The following PUS7 variants were observed in gnomAD, a reference collection of about 807,000 sequenced individuals.
PUS7 encodes pseudouridylate synthase 7 homolog.
Under a neutral mutation model 79.8 loss-of-function variants are expected in PUS7, and 48 were observed. The observed-to-expected ratio is 0.60, with a 90% CI of 0.48 to 0.76. PUS7 has a LOEUF of 0.76. Among genes scored for constraint, PUS7 ranks in the 30% least tolerant of loss-of-function variants. The pLI is 0.00. For synonymous variants in PUS7, 286 were observed against 272.2 expected (o/e 1.05, Z -0.50); for missense variants, 729 against 797.6 (o/e 0.91, Z 1.04).
At chr7:105,485,292 C>G (rs1420120534) in intron 7 of PUS7, among the ~76,000 whole-genome samples, 1 of 152,238 alleles carries the variant, frequency 6.6e-6, no homozygotes, top group Non-Finnish European at 1.5e-5. Flanking sequence ...TCACTGCAAC[C>G]TCCGCTTCCC....
At chr7:105,502,034 G>A (rs949714684) in intron 5 of PUS7, among the ~76,000 whole-genome samples, 20 of 150,598 alleles carry the variant, frequency 1.3e-4, no homozygotes, top group South Asian at 8.4e-4. Flanking sequence ...GGTGACAAGC[G>A]TTTTTTGTTC....
At chr7:105,506,360 C>T (rs1825459006) in intron 2 of PUS7, 87 bp from the exon 3 acceptor site, 4 of 905,524 alleles carry the variant, frequency 4.4e-6, no homozygotes, top group Non-Finnish European at 6.8e-6. Context: ...GCAAGCCTTA[C>T]TATTATGCAA....
At chr7:105,499,109 A>G (rs1008968431) in intron 5 of PUS7, among the ~76,000 whole-genome samples, 14 of 152,200 alleles carry the variant, frequency 9.2e-5, no homozygotes, top group African/African-American at 3.4e-4. Flanking sequence ...CAACCTCATC[A>G]TTCCACTAGA....
intron 1 of PUS7, among the ~76,000 whole-genome samples, chr7:105,510,375 T>C (rs1170614085): frequency 6.6e-6 from 1 of 152,084 alleles, no homozygotes; most frequent in Admixed American, 6.5e-5. Flanking sequence ...ACCTATGTCA[T>C]ACCACATTAA....
At chr7:105,483,669 T>C (rs193182713) in intron 7 of PUS7, among the ~76,000 whole-genome samples, 1 of 151,964 alleles carries the variant, frequency 6.6e-6, no homozygotes, top group Non-Finnish European at 1.5e-5. Context: ...TGTTTTTTTG[T>C]ATTTTCAGTA....
chr7:105,459,472 C>G (rs1823325388), intron 14 of PUS7, among the ~76,000 whole-genome samples: 1 of 149,562 alleles, frequency 6.7e-6, no homozygotes, highest in Admixed American at 6.7e-5. Context: ...AGTCTCAACT[C>G]TGTCACCTAG....
rs1824355331 is a variant in PUS7 at position 105,482,344 on chromosome 7, C to T, written c.1017G>A (p.Glu339=). ...SYQKNPLKLG[E]LQGNHFTVVL... Reference sequence around the variant, plus strand: ...CAACAGTGAAGTGGTTTCCTTGAAGCTCTCCCAATTTCAGTGGGTTTTTTT... The same window carrying T: ...CAACAGTGAAGTGGTTTCCTTGAAGTTCTCCCAATTTCAGTGGGTTTTTTT... Residue 339 remains glutamate (E), a synonymous_variant, in exon 8 of 16, where the codon GAG becomes GAA. Transcript: ENST00000469408. The T allele has an allele frequency of 6.2e-7, 1 of 1,613,332 alleles. No homozygotes were observed. The highest frequency in any genetic ancestry group is 8.5e-7 in the Non-Finnish European group (1 of 1,179,656).
chr7:105,463,909 A>G (rs1208894228), intron 13 of PUS7, among the ~76,000 whole-genome samples: 10 of 152,234 alleles, frequency 6.6e-5, no homozygotes, highest in Non-Finnish European at 1.2e-4. Flanking sequence ...CAATTTGCAA[A>G]TATAACAAGC....
intron 5 of PUS7, among the ~76,000 whole-genome samples, chr7:105,495,782 AAAG>A (rs1562808528): frequency 6.6e-6 from 1 of 152,180 alleles, no homozygotes. Flanking sequence ...TAATTAAAAA[AAAG>A]AACATAAAAA....
In PUS7 at chr7:105,508,513, CT is replaced by C; in HGVS notation, c.-2del. ...CACCAGTCATTTCTGTCATCTCCAT[CT>C]TTAAGGCTCCAAGAAAACATTTAAG... On this transcript the variant is annotated 5_prime_UTR_variant, in exon 2 of 16. Coordinates refer to ENST00000469408, the MANE Select transcript of PUS7 (RefSeq NM_019042.5). 1 of 1,607,164 alleles carries C rather than the reference CT, an allele frequency of 6.2e-7. No individual in the cohort carries two copies. Among genetic ancestry groups the C allele is most frequent in the Non-Finnish European group, 8.5e-7 (1 of 1,176,814 alleles).
At position 105,472,162 on chromosome 7, in the gene PUS7, T is replaced by A; in HGVS notation, c.1207A>T (p.Met403Leu). 9 of 1,601,188 alleles carry A rather than the reference T, an allele frequency of 5.6e-6. No homozygotes were observed. The highest frequency in any genetic ancestry group is 6.0e-6 in the Non-Finnish European group (7 of 1,169,762). Reference sequence around the variant, plus strand: ...GAGCGGGGTTTCAATATTAAATCCATGACTTCTGTCCAGGAATTTTGTAGT... The same window carrying A: ...GAGCGGGGTTTCAATATTAAATCCAAGACTTCTGTCCAGGAATTTTGTAGT... ...AILQNSWTEVMDLILKPRSGA... is the reference protein window; with the variant it reads ...AILQNSWTEVLDLILKPRSGA... The change falls in exon 10 of 16, where the codon ATG becomes TTG. Residue 403 changes from methionine to leucine, a missense_variant. Physicochemically the swap from Met to Leu is conservative, Grantham distance 15. Transcript: ENST00000469408.
intron 9 of PUS7, among the ~76,000 whole-genome samples, chr7:105,479,983 A>G (rs818467): frequency 0.4 from 60,731 of 151,714 alleles, 13,993 homozygotes; most frequent in African/African-American, 0.65. Context: ...GGGCAACAGC[A>G]AGACTTCATC....
At chr7:105,465,695 T>C (rs1479825957) in intron 12 of PUS7, among the ~76,000 whole-genome samples, 2 of 152,036 alleles carry the variant, frequency 1.3e-5, no homozygotes, top group Non-Finnish European at 2.9e-5. Context: ...TAGCCAGGCA[T>C]GGTGGCGCAT....
chr7:105,515,015 C>T (rs1006000152), intron 1 of PUS7, among the ~76,000 whole-genome samples: 5 of 152,122 alleles, frequency 3.3e-5, no homozygotes, highest in Admixed American at 1.3e-4. Flanking sequence ...AGGATGGTCT[C>T]GATCTCCTGA....
At chr7:105,520,972 C>T (rs1826085454) in intron 1 of PUS7, among the ~76,000 whole-genome samples, 1 of 152,028 alleles carries the variant, frequency 6.6e-6, no homozygotes, top group Admixed American at 6.6e-5. Context: ...CACGCAACTG[C>T]ACTCCAGCCT....
chr7:105,491,488 A>T, intron 7 of PUS7, 52 bp downstream of exon 7: 1 of 1,173,106 alleles, frequency 8.5e-7, no homozygotes, highest in South Asian at 1.5e-5. Flanking sequence ...AATTCTGAAA[A>T]GCAGTGCCAG....
intron 1 of PUS7, among the ~76,000 whole-genome samples, chr7:105,514,305 A>T (rs1329093530): frequency 2.0e-5 from 3 of 149,926 alleles, no homozygotes; most frequent in African/African-American, 7.4e-5. Context: ...GGAGGAGTTT[A>T]AAAAAAGAAA....
In PUS7 at chr7:105,496,584, G is replaced by A. The variant is rs573542000; in HGVS notation, c.731-1331C>T. Reference sequence around the variant, plus strand: ...TAAGATACTGCTGGTACCGAAGCTGGTACTTGGATACCTGGCTTTGTCAAG... The same window carrying A: ...TAAGATACTGCTGGTACCGAAGCTGATACTTGGATACCTGGCTTTGTCAAG... On this transcript the variant is annotated intron_variant, in intron 5 of 15. Transcript: ENST00000469408. Among the ~76,000 whole-genome samples, 158 of 152,236 alleles carry A rather than the reference G, an allele frequency of 1.0e-3. 1 individual carries two copies. Among genetic ancestry groups the A allele is most frequent in the African/African-American group, 3.8e-3 (156 of 41,540 alleles).
rs183957749 is a variant in PUS7, at chr7:105,494,076, C to A, written c.842+1066G>T. ...ATCCAGTCTCTGCTATATTTACATTCCTGTTAGAAAATCAGACCGGTCTCA... is the reference window on the plus strand; with the variant it reads ...ATCCAGTCTCTGCTATATTTACATTACTGTTAGAAAATCAGACCGGTCTCA... On this transcript the variant is annotated intron_variant, in intron 6 of 15. Transcript: ENST00000469408. 7.4e-4 allele frequency among the ~76,000 whole-genome samples: 113 copies of A among 152,306 alleles called. 1 individual carries two copies. Among genetic ancestry groups the A allele is most frequent in the African/African-American group, 2.6e-3 (107 of 41,558 alleles).
Sources: gnomAD v4.1 joint callset for allele counts (sites outside exome capture counted in the v4.1 genomes callset) on GRCh38, gnomAD v4.1.1 for gene constraint, MANE v1.5 for transcripts, NCBI Gene and HGNC (gene_info 2026-07-23, HGNC 2026-07-21) for gene names.